The following MON2 variants were observed in gnomAD, a reference collection of about 807,000 sequenced individuals.
The protein encoded by MON2 is protein MON2 homolog.
Under a neutral mutation model 208.6 loss-of-function variants are expected in MON2, and 84 were observed. The observed-to-expected ratio is 0.40, with a 90% confidence interval of 0.34 to 0.48. The LOEUF is 0.48. MON2 is among the 20% of genes least tolerant of loss of function. The pLI is 0.59. For missense variants in MON2, 1,611 were observed against 2,015.4 expected, an observed-to-expected ratio of 0.80 and a Z score of 3.84; for synonymous variants, 660 against 694.0, an observed-to-expected ratio of 0.95 and a Z score of 0.77.
Position 62,594,780 on chromosome 12 carries a change from A to G in MON2, c.*2031A>G, listed in dbSNP as rs542337751. The G allele has an allele frequency of 3.3e-5, 5 of 152,244 alleles. No homozygotes were observed. The highest frequency in any genetic ancestry group is 3.3e-4 in the Admixed American group (5 of 15,290). 9.4% of individuals were successfully genotyped at this position (152,244 alleles called of 1,614,324 possible). On this transcript the variant is annotated 3_prime_UTR_variant, in exon 35 of 35. Coordinates refer to ENST00000393630, the MANE Select transcript of MON2 (RefSeq NM_015026.3). ...ATGCCCTACAGTTCAAAACATAAAC[A>G]TAGTGAATGTGTTAATATCATATAA...
At position 62,595,148 on chromosome 12, in the gene MON2, T is replaced by C. The variant is rs185948125; in HGVS notation, c.*2399T>C. The C allele has an allele frequency of 6.6e-6, 1 of 152,254 alleles. No individual in the cohort carries two copies. Among genetic ancestry groups the C allele is most frequent in the South Asian group, 2.1e-4 (1 of 4,826 alleles). 9.4% of individuals were successfully genotyped at this position (152,254 alleles called of 1,614,324 possible). On this transcript the variant is annotated 3_prime_UTR_variant, in exon 35 of 35. Transcript: ENST00000393630. ...TTACTAGAAATACTATGAGTTTTTT[T>C]TTTTTTTTTCATTTGAGACGGAGTC... is the stretch of plus-strand genomic sequence containing the variant.
chr12:62,535,880 G>C (rs1481497825), intron 14 of MON2, among the ~76,000 whole-genome samples, 171 bp downstream of exon 14: 1 of 110,186 alleles, frequency 9.1e-6, no homozygotes, highest in African/African-American at 3.5e-5. Context: ...GGGGTGGGGG[G>C]TGGGCATGGG....
chr12:62,595,581 T>C lies in MON2; in HGVS notation c.*2832T>C, dbSNP rs1253206266. ...CTTTTTCTGGCCATTTTGTCCATTA[T>C]AAAGGAAATAAACTAATTGTTAACT... On this transcript the variant is annotated 3_prime_UTR_variant, in exon 35 of 35. Coordinates refer to ENST00000393630, the MANE Select transcript of MON2 (RefSeq NM_015026.3). The C allele has an allele frequency of 6.6e-6, 1 of 152,242 alleles. No individual in the cohort carries two copies. The highest frequency in any genetic ancestry group is 1.5e-5 in the Non-Finnish European group (1 of 68,036). The allele number at this position is 152,242 out of a possible 1,614,324, so 9.4% of individuals were successfully genotyped here.
In MON2 at chr12:62,571,498, C is replaced by T. The variant is rs778160891; in HGVS notation, c.4430C>T (p.Ala1477Val). ...GTTCTTTCTATTGGGCTACCTGTTG[C>T]CCGGCAGCATGCTTCTTCTGGAAAA... The part of the protein sequence containing the change: ...LRVLSIGLPV[A>V]RQHASSGKFD... Residue 1477 changes from alanine to valine, a missense_variant, in exon 30 of 35, where the codon GCC becomes GTC. Ala to Val is a moderately conservative substitution (Grantham distance 64). Transcript: ENST00000393630. The T allele has an allele frequency of 6.2e-7, 1 of 1,613,840 alleles. No homozygotes were observed. The highest frequency in any genetic ancestry group is 1.7e-5 in the Admixed American group (1 of 60,002).
At chr12:62,538,773 A>G (rs1339897141) in intron 19 of MON2, among the ~76,000 whole-genome samples, 1 of 152,076 alleles carries the variant, frequency 6.6e-6, no homozygotes, top group Non-Finnish European at 1.5e-5. Flanking sequence ...TTATAAAATA[A>G]TATAATACAG....
At chr12:62,534,457 T>G (rs1358742404) in intron 12 of MON2, among the ~76,000 whole-genome samples, 1 of 139,480 alleles carries the variant, frequency 7.2e-6, no homozygotes, top group East Asian at 2.2e-4. Context: ...AGGCGAAGGT[T>G]GCAGTGAGCC....
At chr12:62,570,116 A>G (rs2074534503) in intron 29 of MON2, among the ~76,000 whole-genome samples, 1 of 152,158 alleles carries the variant, frequency 6.6e-6, no homozygotes, top group African/African-American at 2.4e-5. Flanking sequence ...TAGAACTGTG[A>G]TCAGAGAAAT....
chr12:62,481,502 C>T (rs934271209), intron 1 of MON2, among the ~76,000 whole-genome samples: 5 of 122,250 alleles, frequency 4.1e-5, no homozygotes, highest in African/African-American at 9.9e-5. Context: ...GGCAACAGAG[C>T]GAGACTCCGT....
intron 19 of MON2, among the ~76,000 whole-genome samples, chr12:62,540,973 G>C (rs1458462886): frequency 6.6e-6 from 1 of 152,146 alleles, no homozygotes; most frequent in Non-Finnish European, 1.5e-5. Context: ...AAATATTCTA[G>C]GGATTAAAGA....
At chr12:62,527,193 G>A (rs1013622297) in intron 11 of MON2, among the ~76,000 whole-genome samples, 3 of 151,986 alleles carry the variant, frequency 2.0e-5, no homozygotes, top group African/African-American at 4.8e-5. Flanking sequence ...AGGAAGCTGA[G>A]GCAGGAGAAT....
rs777402341 is a variant in MON2 at position 62,525,942 on chromosome 12, C to G, written c.1247-7C>G. ...GTCTTTTCTTTTTTTCCCTTCTTCT[C>G]TAACAGGAAACAATAATTTAGGTGG... On this transcript the variant is annotated splice_polypyrimidine_tract_variant and splice_region_variant and intron_variant, in intron 10 of 34. Transcript: ENST00000393630. 35 of 1,609,742 alleles carry G rather than the reference C, an allele frequency of 2.2e-5. No individual in the cohort carries two copies. The highest frequency in any genetic ancestry group is 1.2e-4 in the Admixed American group (7 of 59,164).
At chr12:62,494,187 G>T in intron 3 of MON2, 145 bp downstream of exon 3, 1 of 709,216 alleles carries the variant, frequency 1.4e-6, no homozygotes, top group Non-Finnish European at 2.1e-6. Context: ...TAAAAATATT[G>T]CCAAATTTTC....
intron 26 of MON2, 149 bp downstream of exon 26, chr12:62,561,262 G>A (rs565232946): frequency 3.1e-6 from 2 of 636,248 alleles, no homozygotes; most frequent in Admixed American, 3.7e-5. Flanking sequence ...CAAGATCTAG[G>A]TATTTTGAAA....
intron 12 of MON2, among the ~76,000 whole-genome samples, chr12:62,533,635 G>C (rs909017765): frequency 5.3e-5 from 8 of 152,118 alleles, no homozygotes; most frequent in Admixed American, 4.6e-4. Flanking sequence ...GCTGATCTTG[G>C]ATGATTCTTG....
chr12:62,519,556 A>G (rs544904744), intron 8 of MON2, among the ~76,000 whole-genome samples: 44 of 152,358 alleles, frequency 2.9e-4, no homozygotes, highest in Non-Finnish European at 5.6e-4. Context: ...AATTTTTATG[A>G]AAAATAATTA....
At chr12:62,471,469 C>T (rs1332978687) in intron 1 of MON2, among the ~76,000 whole-genome samples, 2 of 152,158 alleles carry the variant, frequency 1.3e-5, no homozygotes, top group Admixed American at 1.3e-4. Context: ...CAGGCGTGAG[C>T]CACCACACCC....
intron 30 of MON2, among the ~76,000 whole-genome samples, chr12:62,573,394 CTTTT>C (rs778858180): frequency 1.5e-5 from 2 of 134,168 alleles, no homozygotes; most frequent in Non-Finnish European, 1.6e-5. Context: ...TTCAGATCAG[CTTTT>C]TTTTTTTTTT....
chr12:62,508,914 A>G (rs1274915023), intron 8 of MON2: 1 of 158,694 alleles, frequency 6.3e-6, no homozygotes, highest in African/African-American at 2.4e-5. Flanking sequence ...CTTACAGTCC[A>G]ATATTGTATC....
chr12:62,560,468 T>C, intron 25 of MON2, 23 bp from the exon 26 acceptor site: 1 of 1,560,094 alleles, frequency 6.4e-7, no homozygotes, highest in Middle Eastern at 1.8e-4. Context: ...TGATAATAGT[T>C]TTTTTTTCTC....
Sources: allele counts gnomAD v4.1 joint callset (sites outside exome capture counted in the v4.1 genomes callset), GRCh38; gene constraint gnomAD v4.1.1; transcripts MANE v1.5; gene names NCBI Gene and HGNC (gene_info 2026-07-23, HGNC 2026-07-21).